Variants in WNT9B observed in about 807,000 individuals in gnomAD.
WNT9B encodes the protein Wnt family member 9B.
In WNT9B, 12 loss-of-function variants were observed where a neutral mutation model predicts 30.2. The ratio of observed to expected loss-of-function variants is 0.40; its 90% CI spans 0.26 to 0.64. The LOEUF is 0.64. Ranked by LOEUF, WNT9B falls within the 30% of genes least tolerant of loss-of-function variation. The pLI is 0.42. For missense variants in WNT9B, 442 were observed against 485.2 expected (o/e 0.91, Z 0.84); for synonymous variants, 218 against 216.9 (o/e 1.01, Z -0.05).
At chr17:46,859,086 T>C (rs144192867) in intron 1 of WNT9B, among the ~76,000 whole-genome samples, 3,702 of 150,700 alleles carry the variant, frequency 0.025, 152 homozygotes, top group African/African-American at 0.086. Flanking sequence ...AAGTGATTCT[T>C]CTGACTCAGC....
upstream of WNT9B, among the ~76,000 whole-genome samples, chr17:46,851,031 C>T (rs546746938): frequency 6.0e-4 from 92 of 152,352 alleles, no homozygotes; most frequent in African/African-American, 2.1e-3. This position sits in a 1 kb window ranked among gnomAD's most constrained non-coding sequence, Gnocchi z 4.3. Context: ...GCAACAGGGT[C>T]CCCTGAGCCA....
At chr17:46,883,929 G>A (rs1023803817), downstream of WNT9B, among the ~76,000 whole-genome samples, 3 of 152,084 alleles carry the variant, frequency 2.0e-5, no homozygotes, top group African/African-American at 4.8e-5. Context: ...ATTCCTCCCT[G>A]GCTCTCTTGG....
chr17:46,863,738 G>A (rs992655747), intron 1 of WNT9B, among the ~76,000 whole-genome samples: 4 of 152,208 alleles, frequency 2.6e-5, no homozygotes, highest in Non-Finnish European at 5.9e-5. Flanking sequence ...AGACATGGCA[G>A]AGGACAAGGG....
At chr17:46,839,972 CTT>C (rs1295985949) in intron 1 of WNT9B, among the ~76,000 whole-genome samples, 2 of 124,840 alleles carry the variant, frequency 1.6e-5, no homozygotes, top group African/African-American at 3.0e-5. Context: ...TTCTTTCTTT[CTT>C]TCTCTTCTTT....
intron 1 of WNT9B, among the ~76,000 whole-genome samples, chr17:46,869,762 G>A (rs1443551615): frequency 6.6e-6 from 1 of 152,204 alleles, no homozygotes; most frequent in Non-Finnish European, 1.5e-5. Context: ...ACTCTGGGAG[G>A]CTGAGGCGGG....
chr17:46,876,992 A>C lies in WNT9B; in HGVS notation c.*274A>C. 4.8e-6 allele frequency: 6 copies of C among 1,260,060 alleles called. No homozygotes were observed. Among genetic ancestry groups the C allele is most frequent in the Non-Finnish European group, 6.0e-6 (6 of 1,004,074 alleles). The allele number at this position is 1,260,060 out of a possible 1,614,324, so 78.1% of individuals were successfully genotyped here. A position where few individuals can be genotyped will look rare whatever the true frequency, so the allele number is the denominator to read the frequency against. On this transcript the variant is annotated 3_prime_UTR_variant, in exon 4 of 4. Transcript: ENST00000290015. ...GGAGGGCAGAGTGAGAAAGACATGG[A>C]GGGAAATAAGGGAGACCAAGAGCAC...
At chr17:46,854,417 T>C (rs1438319520) in intron 1 of WNT9B, among the ~76,000 whole-genome samples, 3 of 148,426 alleles carry the variant, frequency 2.0e-5, no homozygotes, top group Non-Finnish European at 4.4e-5. Context: ...AGGCCGATCT[T>C]CTTGGGCTCT....
intron 1 of WNT9B, among the ~76,000 whole-genome samples, chr17:46,842,807 C>G (rs1311298491): frequency 6.6e-6 from 1 of 152,228 alleles, no homozygotes; most frequent in African/African-American, 2.4e-5. Flanking sequence ...CAGACAGAAG[C>G]TATGAGAAAA....
intron 1 of WNT9B, among the ~76,000 whole-genome samples, chr17:46,839,956 C>CTTTCTTTCTTTCTTTCTT (rs2084684222): frequency 6.8e-6 from 1 of 147,182 alleles, no homozygotes. Context: ...TTCTTTCTTT[C>CTTTCTTTCTTTCTTTCTT]TTTCTTTCTT....
intron 1 of WNT9B, among the ~76,000 whole-genome samples, chr17:46,842,017 G>A (rs939453910): frequency 2.0e-5 from 3 of 152,194 alleles, no homozygotes; most frequent in African/African-American, 7.2e-5. Context: ...GCTGGCCGCG[G>A]TGGCGCCCTC....
At chr17:46,844,915 TCTGCTCA>T (rs1480581162) in intron 1 of WNT9B, among the ~76,000 whole-genome samples, 1 of 152,132 alleles carries the variant, frequency 6.6e-6, no homozygotes, top group African/African-American at 2.4e-5. Context: ...TGGTGGGATC[TCTGCTCA>T]CTGCAACCTC....
Position 46,876,922 on chromosome 17 carries a change from C to T in WNT9B, c.*204C>T. Reference sequence around the variant, plus strand: ...TACTCAACAAAGAGAAGCAAAGCCTCCTCCCTTAACCCAAGCATCCCCAAC... The same window carrying T: ...TACTCAACAAAGAGAAGCAAAGCCTTCTCCCTTAACCCAAGCATCCCCAAC... On this transcript the variant is annotated 3_prime_UTR_variant, in exon 4 of 4. Transcript: ENST00000290015. 1 of 1,345,974 alleles carries T rather than the reference C, an allele frequency of 7.4e-7. No homozygotes were observed. The highest frequency in any genetic ancestry group is 9.5e-7 in the Non-Finnish European group (1 of 1,050,754). The allele number at this position is 1,345,974 out of a possible 1,614,324, so 83.4% of individuals were successfully genotyped here. A position where few individuals can be genotyped will look rare whatever the true frequency, so the allele number is the denominator to read the frequency against.
chr17:46,849,916 C>T (rs147775413), upstream of WNT9B, among the ~76,000 whole-genome samples: 28,474 of 149,804 alleles, frequency 0.19, 3,346 homozygotes, highest in East Asian at 0.5. Context: ...GGCGTGATTT[C>T]GGCTCACTGC....
intron 1 of WNT9B, among the ~76,000 whole-genome samples, chr17:46,839,917 T>TTTC (rs1555693185): frequency 2.6e-5 from 1 of 38,410 alleles, no homozygotes; most frequent in Non-Finnish European, 5.2e-5. Flanking sequence ...TTCTCTTTTC[T>TTTC]TTCTTTCTTT....
intron 1 of WNT9B, among the ~76,000 whole-genome samples, chr17:46,860,832 T>G: frequency 6.6e-6 from 1 of 152,194 alleles, no homozygotes; most frequent in Non-Finnish European, 1.5e-5. Flanking sequence ...GGTGCTGATA[T>G]AATTCTCATT....
chr17:46,883,109 G>A (rs916567591), downstream of WNT9B, among the ~76,000 whole-genome samples: 1 of 151,862 alleles, frequency 6.6e-6, no homozygotes, highest in Admixed American at 6.6e-5. Flanking sequence ...CTCCCGAGTA[G>A]CTGGGACTCC....
chr17:46,874,118 C>G (rs1284556896), intron 2 of WNT9B, among the ~76,000 whole-genome samples: 2 of 152,146 alleles, frequency 1.3e-5, no homozygotes. Flanking sequence ...ATCACCAGCA[C>G]CCAGATGCAC....
chr17:46,852,389 A>T (rs1038259715), intron 1 of WNT9B, among the ~76,000 whole-genome samples: 2 of 105,322 alleles, frequency 1.9e-5, no homozygotes, highest in African/African-American at 3.7e-5. Context: ...GAGAGGGCCC[A>T]GTGTGTGTGT....
At chr17:46,849,849 C>CTTTTTTTTTTTTTTT (rs761797393), upstream of WNT9B, among the ~76,000 whole-genome samples, 1 of 145,748 alleles carries the variant, frequency 6.9e-6, no homozygotes. Flanking sequence ...CATTTAATAT[C>CTTTTTTTTTTTTTTT]TTTTTTTTTT....
Sources: gnomAD v4.1 joint callset for allele counts (sites outside exome capture counted in the v4.1 genomes callset) on GRCh38, gnomAD v4.1.1 for gene constraint, Gnocchi (gnomAD v3.1) non-coding constraint, MANE v1.5 for transcripts, NCBI Gene and HGNC (gene_info 2026-07-23, HGNC 2026-07-21) for gene names.